The following ZBTB20 variants were observed in gnomAD, a reference collection of about 807,000 sequenced individuals.
The protein encoded by ZBTB20 is zinc finger and BTB domain-containing protein 20.
In ZBTB20, 9 loss-of-function variants were observed where a neutral mutation model predicts 56.9. That is an observed-to-expected ratio of 0.16 (90% confidence interval 0.10 to 0.28). ZBTB20 has a LOEUF of 0.28. Ranked by LOEUF, ZBTB20 falls within the 10% of genes least tolerant of loss-of-function variation. ZBTB20 has a pLI of 1.00. For synonymous variants in ZBTB20, 417 were observed against 420.7 expected, an observed-to-expected ratio of 0.99 and a Z score of 0.11; for missense variants, 655 against 1,003.0, an observed-to-expected ratio of 0.65 and a Z score of 4.69.
At chr3:114,618,015 T>C (rs931279862) in intron 6 of ZBTB20, among the ~76,000 whole-genome samples, 2 of 151,742 alleles carry the variant, frequency 1.3e-5, no homozygotes, top group South Asian at 4.2e-4. Flanking sequence ...TTTACATATA[T>C]ATATATATTT....
chr3:114,356,931 T>A (rs1433074338), intron 10 of ZBTB20, among the ~76,000 whole-genome samples: 1 of 152,176 alleles, frequency 6.6e-6, no homozygotes, highest in Non-Finnish European at 1.5e-5. Context: ...GGGAGGTGGC[T>A]GGGAGCACTG....
intron 6 of ZBTB20, among the ~76,000 whole-genome samples, chr3:114,558,362 A>G (rs1447378831): frequency 6.6e-6 from 1 of 152,042 alleles, no homozygotes; most frequent in Admixed American, 6.6e-5. Flanking sequence ...CTCCCCGCTA[A>G]TAACAGTACC....
chr3:115,071,088 T>C (rs1413959263), intron 2 of ZBTB20, 131 bp downstream of exon 2: 2 of 152,106 alleles, frequency 1.3e-5, no homozygotes, highest in African/African-American at 4.8e-5. Flanking sequence ...CTATCAATCA[T>C]CTTATACATA....
At chr3:115,133,802 C>T (rs1444164838) in intron 1 of ZBTB20, among the ~76,000 whole-genome samples, 2 of 152,110 alleles carry the variant, frequency 1.3e-5, no homozygotes, top group African/African-American at 4.8e-5. Context: ...GAGTTGCTTC[C>T]ACTTTTTGGC....
At position 114,514,036 on chromosome 3, in the gene ZBTB20, C is replaced by T. The variant is rs571431563; in HGVS notation, c.-294-13645G>A. Reference sequence around the variant, plus strand: ...TATATATAACAGATATTCGATTTACCAAGAAGGATAAACTGGGACTTTTGA... The same window carrying T: ...TATATATAACAGATATTCGATTTACTAAGAAGGATAAACTGGGACTTTTGA... On this transcript the variant is annotated intron_variant, in intron 6 of 11. Coordinates refer to ENST00000675478, the MANE Select transcript of ZBTB20 (RefSeq NM_001348800.3). Among the ~76,000 whole-genome samples, 5 of 151,798 alleles carry T rather than the reference C, an allele frequency of 3.3e-5. No homozygotes were observed. The South Asian group carries it at 1.0e-3, about 32-fold the overall frequency.
chr3:114,587,705 C>T (rs1380203018), intron 6 of ZBTB20, among the ~76,000 whole-genome samples: 1 of 152,124 alleles, frequency 6.6e-6, no homozygotes, highest in Non-Finnish European at 1.5e-5. Flanking sequence ...GTTCCAAAGC[C>T]CATGTACTCT....
chr3:114,711,488 A>C (rs984656698), intron 5 of ZBTB20, among the ~76,000 whole-genome samples: 10 of 152,204 alleles, frequency 6.6e-5, no homozygotes, highest in Non-Finnish European at 1.3e-4. Context: ...ATCTGACTGC[A>C]CAGGCCAGTC....
chr3:114,758,312 G>A (rs1048438529), intron 5 of ZBTB20, among the ~76,000 whole-genome samples: 1 of 152,026 alleles, frequency 6.6e-6, no homozygotes, highest in East Asian at 1.9e-4. Flanking sequence ...CCTGTCTTAC[G>A]ATGTCCACAA....
intron 1 of ZBTB20, among the ~76,000 whole-genome samples, chr3:115,127,420 T>C (rs1328294879): frequency 6.6e-6 from 1 of 152,102 alleles, no homozygotes; most frequent in African/African-American, 2.4e-5. Context: ...CGAAACCATG[T>C]CTGTACTAAA....
chr3:114,351,601 G>A lies in ZBTB20; in HGVS notation c.477C>T (p.Tyr159=). 2 of 1,614,138 alleles carry A rather than the reference G, an allele frequency of 1.2e-6. No individual in the cohort carries two copies. The highest frequency in any genetic ancestry group is 2.2e-5 in the South Asian group (2 of 91,070). The change falls in exon 11 of 12, where the codon TAC becomes TAT. Residue 159 remains tyrosine (Y), a synonymous_variant. Transcript: ENST00000675478. ...ACTGCGAGACCCGTAGCACGCCGCT[G>A]TACATGAAGTCAATGAGCTTTTGCA... ...QSVQKLIDFM[Y]SGVLRVSQSE...
rs184058686 is a variant in ZBTB20 at position 115,111,350 on chromosome 3, T to C, written c.-703+35869A>G. On this transcript the variant is annotated intron_variant, in intron 1 of 11. Transcript: ENST00000675478. ...GAGTTATGAAAGAAATAAATCATTA[T>C]TATGAATTTTATTTTAAAAATTAAA... Among the ~76,000 whole-genome samples, 10 of 152,280 alleles carry C rather than the reference T, an allele frequency of 6.6e-5. No homozygotes were observed. In the East Asian group the frequency reaches 1.3e-3, roughly 21 times the overall value.
intron 1 of ZBTB20, among the ~76,000 whole-genome samples, chr3:115,102,315 G>T (rs2083608159): frequency 6.6e-6 from 1 of 152,060 alleles, no homozygotes. Context: ...AATATATTTA[G>T]TGTGCCCAAG....
At chr3:114,647,892 CATT>C (rs1403045175) in intron 6 of ZBTB20, among the ~76,000 whole-genome samples, 1 of 152,026 alleles carries the variant, frequency 6.6e-6, no homozygotes, top group African/African-American at 2.4e-5. Flanking sequence ...ATTGAGAAAA[CATT>C]AGGAGTAGAA....
At chr3:115,104,943 T>C (rs1051192181) in intron 1 of ZBTB20, among the ~76,000 whole-genome samples, 2 of 152,156 alleles carry the variant, frequency 1.3e-5, no homozygotes, top group Non-Finnish European at 2.9e-5. Context: ...ATGGGGAGGC[T>C]GTGCATGTGT....
intron 7 of ZBTB20, among the ~76,000 whole-genome samples, chr3:114,477,705 T>C (rs1175391288): frequency 1.3e-5 from 2 of 151,698 alleles, no homozygotes; most frequent in African/African-American, 4.8e-5. Flanking sequence ...ATGTTGGTCA[T>C]GCTGGGCTTG....
chr3:114,975,570 A>G (rs1471299414), intron 2 of ZBTB20, among the ~76,000 whole-genome samples: 5 of 152,184 alleles, frequency 3.3e-5, no homozygotes, highest in Non-Finnish European at 7.4e-5. Flanking sequence ...AATAGGGTCC[A>G]GAAAAGGAAT....
At chr3:115,126,270 C>T (rs1196609791) in intron 1 of ZBTB20, among the ~76,000 whole-genome samples, 3 of 152,058 alleles carry the variant, frequency 2.0e-5, no homozygotes, top group African/African-American at 7.2e-5. Context: ...GTGTAAATGG[C>T]TAATATCATT....
intron 5 of ZBTB20, among the ~76,000 whole-genome samples, chr3:114,770,642 T>C (rs2069130660): frequency 6.6e-6 from 1 of 152,240 alleles, no homozygotes; most frequent in Non-Finnish European, 1.5e-5. Context: ...TAGAAATCTG[T>C]AATTCCTTCT....
At chr3:114,764,686 T>C (rs1358060561) in intron 5 of ZBTB20, among the ~76,000 whole-genome samples, 1 of 152,244 alleles carries the variant, frequency 6.6e-6, no homozygotes, top group South Asian at 2.1e-4. Flanking sequence ...GAGCAATTAG[T>C]AAACAAGATC....
Sources: allele counts gnomAD v4.1 joint callset (sites outside exome capture counted in the v4.1 genomes callset), GRCh38; gene constraint gnomAD v4.1.1; transcripts MANE v1.5; gene names NCBI Gene and HGNC (gene_info 2026-07-23, HGNC 2026-07-21).